Variants in CLUL1 observed in about 807,000 individuals in gnomAD.
CLUL1 encodes clusterin like 1.
A neutral mutation model predicts 49.4 loss-of-function variants in CLUL1; 43 were observed. That is an observed-to-expected ratio of 0.87 (90% confidence interval 0.68 to 1.12). The LOEUF is 1.12. Ranked by LOEUF, CLUL1 falls within the 50% of genes most tolerant of loss-of-function variation. CLUL1 has a pLI of 0.00. For missense variants in CLUL1, 486 were observed against 544.4 expected (o/e 0.89, Z 1.07); for synonymous variants, 192 against 184.9 (o/e 1.04, Z -0.31).
intron 7 of CLUL1, among the ~76,000 whole-genome samples, chr18:640,248 A>G (rs1449587241): frequency 6.6e-6 from 1 of 150,524 alleles, no homozygotes; most frequent in Non-Finnish European, 1.5e-5. Flanking sequence ...CGCCTCTACA[A>G]AAAAATTAAA....
chr18:648,146 G>C lies in CLUL1; in HGVS notation c.1398-1752G>C, dbSNP rs1567981416. Among the ~76,000 whole-genome samples, 18 of 152,350 alleles carry C rather than the reference G, an allele frequency of 1.2e-4. 2 individuals carry two copies. The South Asian group carries it at 3.3e-3, about 28-fold the overall frequency. On this transcript the variant is annotated intron_variant, in intron 9 of 9. Coordinates refer to ENST00000692774, the MANE Select transcript of CLUL1 (RefSeq NM_001393344.1). ...GTCTGAGGTTCACTCTACAGCGCTG[G>C]TGAGACACGATAGGTTTTAGAGAAA...
At chr18:637,604 G>A (rs375327850) in intron 7 of CLUL1, among the ~76,000 whole-genome samples, 3 of 152,250 alleles carry the variant, frequency 2.0e-5, no homozygotes, top group East Asian at 1.9e-4. Context: ...GCAGAAAAGC[G>A]TTTGGAAAGC....
chr18:631,931 C>T (rs1424037310), intron 6 of CLUL1, among the ~76,000 whole-genome samples: 1 of 152,168 alleles, frequency 6.6e-6, no homozygotes, highest in Admixed American at 6.5e-5. Flanking sequence ...TCCAGGAAAG[C>T]AGCTGGGAGA....
chr18:623,191 A>G (rs2073555376), intron 4 of CLUL1, among the ~76,000 whole-genome samples: 1 of 151,972 alleles, frequency 6.6e-6, no homozygotes, highest in South Asian at 2.1e-4. Flanking sequence ...CACCATCATG[A>G]CCAGCTAATT....
chr18:614,107 A>T lies in CLUL1; in HGVS notation c.-13-3881A>T, dbSNP rs112616867. On this transcript the variant is annotated intron_variant, in intron 2 of 9. Transcript: ENST00000692774. ...GTGGCAAGGAAGTTGATGCAATTTG[A>T]CCTCTTAAGTCAGTGATCTTTATGT... 5.3e-3 allele frequency among the ~76,000 whole-genome samples: 812 copies of T among 152,280 alleles called. 4 individuals carry two copies. The highest frequency in any genetic ancestry group is 0.019 in the African/African-American group (771 of 41,550).
chr18:617,902 T>C, intron 2 of CLUL1, 86 bp from the exon 3 acceptor site: 3 of 1,090,450 alleles, frequency 2.8e-6, no homozygotes, highest in Non-Finnish European at 4.1e-6. Context: ...AGAAAAATGC[T>C]TTGGAGCCCC....
chr18:613,540 C>T (rs919894326), intron 2 of CLUL1, among the ~76,000 whole-genome samples: 2 of 151,574 alleles, frequency 1.3e-5, no homozygotes, highest in Admixed American at 6.6e-5. Context: ...CAGAAACCTC[C>T]GCCTCCTAGG....
intron 7 of CLUL1, among the ~76,000 whole-genome samples, chr18:636,092 A>T (rs74520815): frequency 6.6e-6 from 1 of 152,256 alleles, no homozygotes; most frequent in South Asian, 2.1e-4. Context: ...CTTTTAAAGT[A>T]TCATTAGATA....
chr18:639,411 A>G (rs1180179402), intron 7 of CLUL1, among the ~76,000 whole-genome samples: 1 of 130,358 alleles, frequency 7.7e-6, no homozygotes, highest in Non-Finnish European at 1.5e-5. Flanking sequence ...AGCCTGGGTG[A>G]CAGAGCGAGA....
At chr18:612,450 G>A (rs772002160) in intron 2 of CLUL1, among the ~76,000 whole-genome samples, 5 of 152,154 alleles carry the variant, frequency 3.3e-5, no homozygotes, top group Non-Finnish European at 5.9e-5. Context: ...CATGTGCCAC[G>A]TGCACCCCTC....
chr18:645,792 T>TAAAA (rs869103727), intron 9 of CLUL1, among the ~76,000 whole-genome samples: 490 of 16,030 alleles, frequency 0.031, 156 homozygotes, highest in East Asian at 0.092. Flanking sequence ...AGACTCTGTT[T>TAAAA]AAAAAAAAAA....
intron 7 of CLUL1, among the ~76,000 whole-genome samples, chr18:636,624 C>CTCT (rs1448823072): frequency 1.6e-5 from 2 of 122,044 alleles, no homozygotes; most frequent in African/African-American, 6.2e-5. Flanking sequence ...CCCTTTCTCT[C>CTCT]TTTTTTTTTT....
chr18:601,556 A>C (rs968678027), intron 1 of CLUL1, among the ~76,000 whole-genome samples: 73 of 152,254 alleles, frequency 4.8e-4, no homozygotes, highest in Non-Finnish European at 8.1e-4. Flanking sequence ...TTGAGGCAGG[A>C]GAACTGCTTG....
At chr18:631,143 C>A (rs551550251) in intron 6 of CLUL1, among the ~76,000 whole-genome samples, 12 of 151,960 alleles carry the variant, frequency 7.9e-5, no homozygotes, top group African/African-American at 2.9e-4. Context: ...AAAAGGAGAG[C>A]GGAAATAAAA....
intron 2 of CLUL1, among the ~76,000 whole-genome samples, chr18:613,585 G>A (rs2073207510): frequency 6.6e-6 from 1 of 151,158 alleles, no homozygotes; most frequent in Non-Finnish European, 1.5e-5. Flanking sequence ...CTCCCGAGTA[G>A]CCAAGATTAC....
chr18:611,661 AGAG>A (rs568762374), intron 2 of CLUL1, among the ~76,000 whole-genome samples: 41 of 152,338 alleles, frequency 2.7e-4, no homozygotes, highest in African/African-American at 9.9e-4. Flanking sequence ...TGGAGAGGTA[AGAG>A]GAGGACCAAG....
chr18:611,199 A>T (rs186176851), intron 2 of CLUL1, among the ~76,000 whole-genome samples: 1 of 148,728 alleles, frequency 6.7e-6, no homozygotes, highest in African/African-American at 2.5e-5. Flanking sequence ...TGCATCTTTC[A>T]GAAAGGAGCA....
At position 641,480 on chromosome 18, in the gene CLUL1, G is replaced by C. The variant is rs775285957; in HGVS notation, c.1148G>C (p.Gly383Ala). The C allele has an allele frequency of 6.2e-6, 10 of 1,614,168 alleles. No individual in the cohort carries two copies. Among genetic ancestry groups the C allele is most frequent in the Non-Finnish European group, 8.5e-6 (10 of 1,180,034 alleles). Residue 383 changes from glycine (G) to alanine (A), a missense_variant, in exon 8 of 10, where the codon GGC (glycine) becomes GCC (alanine). By Grantham distance (60) the Gly-to-Ala change is moderately conservative. Coordinates refer to ENST00000692774, the MANE Select transcript of CLUL1 (RefSeq NM_001393344.1). Reference sequence around the variant, plus strand: ...GTGGAGAAGATGAGAGGGCAATTTGGCTGGGTGTCTGAACTGGCAAACCAG... The same window carrying C: ...GTGGAGAAGATGAGAGGGCAATTTGCCTGGGTGTCTGAACTGGCAAACCAG... The part of the protein sequence containing the change: ...YLVEKMRGQF[G>A]WVSELANQAP...
At chr18:607,552 G>A (rs1171267117) in intron 2 of CLUL1, among the ~76,000 whole-genome samples, 3 of 152,130 alleles carry the variant, frequency 2.0e-5, no homozygotes, top group Non-Finnish European at 1.5e-5. Context: ...TTAGCCTCCT[G>A]TTTAGCTGGT....
Sources: gnomAD v4.1 joint callset for allele counts (sites outside exome capture counted in the v4.1 genomes callset) on GRCh38, gnomAD v4.1.1 for gene constraint, MANE v1.5 for transcripts, NCBI Gene and HGNC (gene_info 2026-07-23, HGNC 2026-07-21) for gene names.